Variants in PASD1 observed in about 807,000 individuals in gnomAD.
PASD1 encodes PAS domain containing repressor 1.
PASD1 carries 13 observed loss-of-function variants against 58.8 expected under a neutral mutation model. That is an observed-to-expected ratio of 0.22 (90% CI 0.14 to 0.35). The LOEUF (loss-of-function observed/expected upper bound fraction) is 0.35. PASD1 is among the 10% of genes least tolerant of loss of function. The probability of loss-of-function intolerance (pLI) is 1.00; values close to 1 mark genes in which losing one functional copy is unlikely to be tolerated. For synonymous variants in PASD1, 236 were observed against 216.7 expected, an observed-to-expected ratio of 1.09 and a Z score of -0.78; for missense variants, 734 against 568.3, an observed-to-expected ratio of 1.29 and a Z score of -2.96.
chrX:151,668,535 A>G (rs1194402817), intron 11 of PASD1, among the ~76,000 whole-genome samples: 6 of 111,213 alleles, frequency 5.4e-5, no homozygotes, highest in South Asian at 3.8e-4. Context: ...TATCACCGCC[A>G]ATCCCACAGA....
chrX:151,637,220 C>T (rs995757693), intron 8 of PASD1, among the ~76,000 whole-genome samples: 2 of 112,134 alleles, frequency 1.8e-5, no homozygotes, highest in Non-Finnish European at 3.8e-5. Context: ...TTTTGGTAAA[C>T]GTGTTTTCAT....
At position 151,665,902 on chromosome X, in the gene PASD1, GTTT is replaced by G. The variant is rs749783832; in HGVS notation, c.1071+1565_1071+1567del. Among the ~76,000 whole-genome samples, 9 of 96,905 alleles carry G rather than the reference GTTT, an allele frequency of 9.3e-5. 1 individual carries two copies. The highest frequency in any genetic ancestry group is 3.3e-4 in the African/African-American group (9 of 26,868). 84.2% of individuals were successfully genotyped at this position (96,905 alleles called of 115,157 possible). A position where few individuals can be genotyped will look rare whatever the true frequency, so the allele number is the denominator to read the frequency against. ...CACGCGCGTGCATGTGTGTGTGTGT[GTTT>G]TTTTTTTTTTGGTCTAATGAATGTC... On this transcript the variant is annotated intron_variant, in intron 11 of 15. Coordinates refer to ENST00000370357, the MANE Select transcript of PASD1 (RefSeq NM_173493.3).
rs1287477001 is a variant in PASD1 at position 151,652,034 on chromosome X, AT to A, written c.717+3335del. On this transcript the variant is annotated intron_variant, in intron 9 of 15. Coordinates refer to ENST00000370357, the MANE Select transcript of PASD1 (RefSeq NM_173493.3). ...TTAAATGTGTTTATTTTTAAAGGCC[AT>A]TTCTGATTCCTTCATTTACTGATTT... is the stretch of plus-strand genomic sequence containing the variant. Among the ~76,000 whole-genome samples the A allele has an allele frequency of 2.7e-5, 3 of 112,186 alleles. No homozygotes were observed. In the East Asian group the frequency reaches 8.4e-4, roughly 31 times the overall value.
intron 4 of PASD1, among the ~76,000 whole-genome samples, chrX:151,615,158 C>T (rs2013622277): frequency 9.0e-6 from 1 of 111,691 alleles, no homozygotes; most frequent in Non-Finnish European, 1.9e-5. Flanking sequence ...TGGTCATTGG[C>T]TGAGACTGGT....
intron 8 of PASD1, among the ~76,000 whole-genome samples, chrX:151,643,159 A>T (rs753798404): frequency 2.4e-4 from 27 of 112,161 alleles, no homozygotes; most frequent in Non-Finnish European, 2.8e-4. Flanking sequence ...TGTTACTTTG[A>T]TTCATGTTCA....
Position 151,653,200 on chromosome X carries a change from T to A in PASD1, c.717+4498T>A, listed in dbSNP as rs772214305. On this transcript the variant is annotated intron_variant, in intron 9 of 15. Coordinates refer to ENST00000370357, the MANE Select transcript of PASD1 (RefSeq NM_173493.3). ...TGTGTGTATATATATATATATATTTTTTTTTTTTTGAGATAAAGTTTCGCC... is the reference window on the plus strand; with the variant it reads ...TGTGTGTATATATATATATATATTTATTTTTTTTTGAGATAAAGTTTCGCC... 2.4e-3 allele frequency among the ~76,000 whole-genome samples: 261 copies of A among 106,919 alleles called. 1 individual carries two copies. Among genetic ancestry groups the A allele is most frequent in the Admixed American group, 2.7e-3 (27 of 9,945 alleles). The allele number at this position is 106,919 out of a possible 115,157, so 92.8% of individuals were successfully genotyped here. A position where few individuals can be genotyped will look rare whatever the true frequency, so the allele number is the denominator to read the frequency against.
intron 1 of PASD1, among the ~76,000 whole-genome samples, chrX:151,566,595 G>C (rs1277898057): frequency 9.0e-6 from 1 of 111,596 alleles, no homozygotes; most frequent in African/African-American, 3.3e-5. Context: ...GTGATTCCCT[G>C]TACAGGTTGA....
intron 1 of PASD1, among the ~76,000 whole-genome samples, chrX:151,582,917 C>T (rs1385407020): frequency 1.8e-5 from 2 of 111,534 alleles, no homozygotes; most frequent in Non-Finnish European, 3.8e-5. Context: ...AGATCAATTG[C>T]TGAAAAGTTA....
At chrX:151,590,322 C>T (rs1000337419) in intron 1 of PASD1, among the ~76,000 whole-genome samples, 1 of 112,021 alleles carries the variant, frequency 8.9e-6, no homozygotes, top group Admixed American at 9.5e-5. Context: ...TGTAAGTAAA[C>T]TCATGAATTA....
At chrX:151,601,393 C>A in intron 1 of PASD1, 134 bp from the exon 2 acceptor site, 1 of 439,875 alleles carries the variant, frequency 2.3e-6, no homozygotes, top group Non-Finnish European at 3.9e-6. Flanking sequence ...TAATGAAAGC[C>A]TATCTTTAAA....
At chrX:151,601,418 C>T in intron 1 of PASD1, 109 bp from the exon 2 acceptor site, 1 of 527,895 alleles carries the variant, frequency 1.9e-6, no homozygotes, top group South Asian at 3.9e-5. Context: ...GTAGACATTC[C>T]TTGAGGGAAA....
chrX:151,593,256 A>G (rs1383936154), intron 1 of PASD1, among the ~76,000 whole-genome samples: 1 of 110,114 alleles, frequency 9.1e-6, no homozygotes, highest in East Asian at 2.9e-4. Context: ...TTAAAATTTT[A>G]TTATTATACT....
chrX:151,659,745 T>C lies in PASD1; in HGVS notation c.750T>C (p.Tyr250=), dbSNP rs1335236435. Residue 250 remains tyrosine (Y), a synonymous_variant, in exon 10 of 16, where the codon TAT becomes TAC. Coordinates refer to ENST00000370357, the MANE Select transcript of PASD1 (RefSeq NM_173493.3). ...TTGATATTGCAGAGGTTGAGCAGTA[T>C]GGACCACAAGAAAACGTTCACATGT... The part of the protein sequence containing the change: ...DQIDIAEVEQ[Y]GPQENVHMFV... 1 of 1,203,099 alleles carries C rather than the reference T, an allele frequency of 8.3e-7. No individual in the cohort carries two copies. Among genetic ancestry groups the C allele is most frequent in the Non-Finnish European group, 1.1e-6 (1 of 887,700 alleles).
intron 10 of PASD1, among the ~76,000 whole-genome samples, chrX:151,661,490 GA>G (rs2014310304): frequency 9.0e-6 from 1 of 111,424 alleles, no homozygotes; most frequent in African/African-American, 3.3e-5. Flanking sequence ...ATAGCACAAA[GA>G]AAAAAATAGA....
chrX:151,661,154 C>CA (rs36030616), intron 10 of PASD1, among the ~76,000 whole-genome samples: 33,545 of 94,073 alleles, frequency 0.36, 4,881 homozygotes, highest in Non-Finnish European at 0.4. Flanking sequence ...GACTCCGTCT[C>CA]AAAAAAAAAA....
intron 4 of PASD1, among the ~76,000 whole-genome samples, chrX:151,619,629 T>G (rs2013679391): frequency 9.0e-6 from 1 of 111,588 alleles, no homozygotes; most frequent in African/African-American, 3.3e-5. Flanking sequence ...ATCAATTGCA[T>G]CAAATGCTGA....
intron 1 of PASD1, among the ~76,000 whole-genome samples, chrX:151,584,403 A>G (rs73239669): frequency 8.9e-6 from 1 of 112,063 alleles, no homozygotes; most frequent in South Asian, 3.7e-4. Flanking sequence ...TATAGGTCTT[A>G]TTCACTAGGT....
chrX:151,638,080 GT>G (rs2013952810), intron 8 of PASD1, among the ~76,000 whole-genome samples: 1 of 111,542 alleles, frequency 9.0e-6, no homozygotes, highest in African/African-American at 3.3e-5. Context: ...CAAATTCTGG[GT>G]TTGTCACTTA....
chrX:151,590,247 A>T (rs1170575034), intron 1 of PASD1, among the ~76,000 whole-genome samples: 1 of 112,482 alleles, frequency 8.9e-6, no homozygotes, highest in Non-Finnish European at 1.9e-5. Context: ...GCAAAGGTGG[A>T]TGAGTACAAG....
Sources: allele counts gnomAD v4.1 joint callset (sites outside exome capture counted in the v4.1 genomes callset), GRCh38; gene constraint gnomAD v4.1.1; transcripts MANE v1.5; gene names NCBI Gene and HGNC (gene_info 2026-07-23, HGNC 2026-07-21).